CEP63: variants seen among roughly 807,000 people sequenced by gnomAD.
CEP63 encodes centrosomal protein 63.
Under a neutral mutation model 89.1 loss-of-function variants are expected in CEP63, and 84 were observed. That is an observed-to-expected ratio of 0.94 (90% CI 0.79 to 1.13). The LOEUF (loss-of-function observed/expected upper bound fraction) is 1.13, where lower values mean the gene tolerates loss of function less well. Among genes scored for constraint, CEP63 ranks in the 50% most tolerant of loss-of-function variants. The pLI is 0.00. For synonymous variants in CEP63, 267 were observed against 272.5 expected (o/e 0.98, Z 0.20); for missense variants, 838 against 813.3 (o/e 1.03, Z -0.37).
At chr3:134,507,015 G>C (rs901780159) in intron 2 of CEP63, 94 bp from the exon 3 acceptor site, 2 of 827,252 alleles carry the variant, frequency 2.4e-6, no homozygotes, top group African/African-American at 3.5e-5. Context: ...ATTTACTTCA[G>C]GTAGATTTAC....
At chr3:134,678,821 C>A in the CEP63 span, among the ~76,000 whole-genome samples, 2 of 152,220 alleles carry the variant, frequency 1.3e-5, no homozygotes, top group Non-Finnish European at 2.9e-5. Flanking sequence ...TCATGCACCC[C>A]CTCCACTTGG....
At chr3:134,630,025 C>T in the CEP63 span, among the ~76,000 whole-genome samples, 2 of 152,154 alleles carry the variant, frequency 1.3e-5, no homozygotes, top group African/African-American at 4.8e-5. Flanking sequence ...ATTTTTAAAG[C>T]ATTAGCAAAT....
chr3:134,584,428 A>T (rs1958433552), intron 10 of CEP63, among the ~76,000 whole-genome samples: 1 of 152,154 alleles, frequency 6.6e-6, no homozygotes, highest in South Asian at 2.1e-4. Flanking sequence ...GCATCTATTG[A>T]GATAATCATG....
chr3:134,754,718 T>G, the CEP63 span, among the ~76,000 whole-genome samples: 1 of 152,150 alleles, frequency 6.6e-6, no homozygotes, highest in Non-Finnish European at 1.5e-5. Context: ...AGATTTCTTT[T>G]AAGAGTTCAG....
the CEP63 span, among the ~76,000 whole-genome samples, chr3:134,691,434 A>C: frequency 6.6e-6 from 1 of 151,486 alleles, no homozygotes; most frequent in Non-Finnish European, 1.5e-5. Context: ...GGGTAACATG[A>C]CAAGACCCTG....
chr3:134,498,113 AG>A (rs973150587), intron 2 of CEP63, among the ~76,000 whole-genome samples: 16 of 152,252 alleles, frequency 1.1e-4, no homozygotes, highest in African/African-American at 3.6e-4. Context: ...AGCATGTCAT[AG>A]GTATTTTGAT....
At chr3:134,492,393 A>G (rs1937980644) in intron 1 of CEP63, among the ~76,000 whole-genome samples, 1 of 152,204 alleles carries the variant, frequency 6.6e-6, no homozygotes, top group South Asian at 2.1e-4. Context: ...AATCAGTGAT[A>G]TAACTATGAG....
intron 2 of CEP63, among the ~76,000 whole-genome samples, chr3:134,501,040 G>A (rs1941839793): frequency 6.6e-6 from 1 of 152,136 alleles, no homozygotes; most frequent in Non-Finnish European, 1.5e-5. Flanking sequence ...TAGGGGTTGA[G>A]TTTCATTCTT....
At chr3:134,607,513 A>G in the CEP63 span, 9 of 985,634 alleles carry the variant, frequency 9.1e-6, no homozygotes, top group Non-Finnish European at 8.4e-6. Flanking sequence ...GCCACCAGGC[A>G]GTCCTTTGCT....
chr3:134,584,739 T>C (rs1958441598), intron 10 of CEP63, among the ~76,000 whole-genome samples: 1 of 152,106 alleles, frequency 6.6e-6, no homozygotes, highest in African/African-American at 2.4e-5. Flanking sequence ...ATTGGAATAG[T>C]TTCAGAAGAA....
At chr3:134,581,189 G>C (rs1231043488) in intron 10 of CEP63, among the ~76,000 whole-genome samples, 1 of 152,164 alleles carries the variant, frequency 6.6e-6, no homozygotes, top group Non-Finnish European at 1.5e-5. Flanking sequence ...ACCTCATTTT[G>C]TACTTTTGAA....
chr3:134,603,297 A>C, the CEP63 span: 1 of 303,358 alleles, frequency 3.3e-6, no homozygotes, highest in Non-Finnish European at 6.1e-6. Flanking sequence ...GAGAAGGGGC[A>C]TCTGGATGCA....
chr3:134,602,935 C>T, the CEP63 span, among the ~76,000 whole-genome samples: 37 of 152,348 alleles, frequency 2.4e-4, 1 homozygote, highest in South Asian at 7.0e-3. Context: ...ATGTTGGAGA[C>T]GATCAGCTTC....
the CEP63 span, among the ~76,000 whole-genome samples, chr3:134,617,332 A>G: frequency 6.6e-5 from 10 of 152,326 alleles, 1 homozygote; most frequent in African/African-American, 2.4e-4. Context: ...AGAATTCCAC[A>G]TTCCATTCCA....
rs16841708 is a variant in CEP63, at chr3:134,509,934, G to A, written c.222+2648G>A. Among the ~76,000 whole-genome samples the A allele has an allele frequency of 7.6e-3, 1,156 of 152,272 alleles. 17 individuals are homozygous for A. Among genetic ancestry groups the A allele is most frequent in the African/African-American group, 0.026 (1,098 of 41,552 alleles). ...GCAGAAATACACAAAGCAATTATAGGTGGAAGTAATACAAAGTGCCTTGTG... is the reference window on the plus strand; with the variant it reads ...GCAGAAATACACAAAGCAATTATAGATGGAAGTAATACAAAGTGCCTTGTG... On this transcript the variant is annotated intron_variant, in intron 3 of 14. Transcript: ENST00000675561.
In CEP63 at chr3:134,565,012, T is replaced by A; in HGVS notation, c.*3477T>A. ...AAAAAGATATATTAATACCAAATAT[T>A]AAAATGTGTCAAGACTAAATCTGAG... is the stretch of plus-strand genomic sequence containing the variant. On this transcript the variant is annotated 3_prime_UTR_variant, in exon 15 of 15. Coordinates refer to ENST00000675561, the MANE Select transcript of CEP63 (RefSeq NM_001353108.3). 1.0e-6 allele frequency: 1 copy of A among 955,922 alleles called. No homozygotes were observed. Among genetic ancestry groups the A allele is most frequent in the Non-Finnish European group, 1.2e-6 (1 of 803,212 alleles). 59.2% of individuals were successfully genotyped at this position (955,922 alleles called of 1,614,324 possible).
the CEP63 span, chr3:134,627,735 C>T: frequency 6.2e-7 from 1 of 1,611,382 alleles, no homozygotes; most frequent in African/African-American, 1.3e-5. Context: ...GAGAATTGTC[C>T]TGGAAGACTC....
chr3:134,707,322 C>G, the CEP63 span, among the ~76,000 whole-genome samples: 10 of 152,206 alleles, frequency 6.6e-5, no homozygotes, highest in African/African-American at 2.4e-4. Context: ...GCAAGACAAC[C>G]AGCCCAGTGC....
At chr3:134,614,020 C>T in the CEP63 span, among the ~76,000 whole-genome samples, 1 of 152,148 alleles carries the variant, frequency 6.6e-6, no homozygotes, top group Non-Finnish European at 1.5e-5. Context: ...AATATCATAT[C>T]CCCAAAATAA....
Sources: gnomAD v4.1 joint callset for allele counts (sites outside exome capture counted in the v4.1 genomes callset) on GRCh38, gnomAD v4.1.1 for gene constraint, MANE v1.5 for transcripts, NCBI Gene and HGNC (gene_info 2026-07-23, HGNC 2026-07-21) for gene names.